AKAP19: variants seen among roughly 807,000 people sequenced by gnomAD.
AKAP19 encodes A-kinase anchoring protein 19.
chr2:189,942,064 G>A, the AKAP19 span, among the ~76,000 whole-genome samples: 4 of 152,166 alleles, frequency 2.6e-5, no homozygotes, highest in African/African-American at 9.7e-5. Context: ...AAGAGACAAA[G>A]AGGGTCACTA....
At chr2:189,884,313 C>T in the AKAP19 span, among the ~76,000 whole-genome samples, 1 of 151,958 alleles carries the variant, frequency 6.6e-6, no homozygotes, top group African/African-American at 2.4e-5. Context: ...TGATGCTGTA[C>T]TGTCAAAAAT....
the AKAP19 span, among the ~76,000 whole-genome samples, chr2:190,048,035 T>C: frequency 6.6e-6 from 1 of 152,142 alleles, no homozygotes; most frequent in South Asian, 2.1e-4. Context: ...TGAATATGGG[T>C]AGGGTTGCAA....
At chr2:190,178,075 G>A in the AKAP19 span, among the ~76,000 whole-genome samples, 315 of 152,158 alleles carry the variant, frequency 2.1e-3, 1 homozygote, top group South Asian at 3.1e-3. The surrounding 1 kb of genome is among the most constrained non-coding windows in gnomAD (Gnocchi z 6.3). Context: ...TCAAAATCCT[G>A]CAGTTTGTCT....
the AKAP19 span, among the ~76,000 whole-genome samples, chr2:190,170,007 C>T: frequency 6.6e-6 from 1 of 152,150 alleles, no homozygotes; most frequent in Non-Finnish European, 1.5e-5. Context: ...ATTACTTCTG[C>T]ACGAACCTAA....
the AKAP19 span, among the ~76,000 whole-genome samples, chr2:190,093,502 T>C: frequency 8.6e-5 from 13 of 152,034 alleles, no homozygotes; most frequent in Admixed American, 2.0e-4. Flanking sequence ...AATCAGAAAA[T>C]AAACATTGTT....
chr2:189,986,326 C>A, the AKAP19 span, among the ~76,000 whole-genome samples: 1 of 148,158 alleles, frequency 6.7e-6, no homozygotes, highest in African/African-American at 2.5e-5. Flanking sequence ...GAAACATGAA[C>A]AATTTTGACT....
At chr2:190,126,573 A>C in the AKAP19 span, among the ~76,000 whole-genome samples, 2 of 152,036 alleles carry the variant, frequency 1.3e-5, no homozygotes, top group African/African-American at 4.8e-5. Flanking sequence ...GAAATGTAAG[A>C]AATGCTGTTT....
At chr2:190,113,658 C>G in the AKAP19 span, among the ~76,000 whole-genome samples, 1 of 152,176 alleles carries the variant, frequency 6.6e-6, no homozygotes, top group Non-Finnish European at 1.5e-5. Context: ...AGTATAGGAG[C>G]TAGAAGATAA....
chr2:189,921,945 T>C, the AKAP19 span, among the ~76,000 whole-genome samples: 2 of 152,212 alleles, frequency 1.3e-5, no homozygotes, highest in African/African-American at 4.8e-5. Context: ...GAACTAGCAA[T>C]TCATTAAATA....
At chr2:190,084,130 T>C in the AKAP19 span, among the ~76,000 whole-genome samples, 1 of 150,508 alleles carries the variant, frequency 6.6e-6, no homozygotes, top group Non-Finnish European at 1.5e-5. Context: ...TCTGGCTCTG[T>C]TGCCCAGGCT....
the AKAP19 span, among the ~76,000 whole-genome samples, chr2:190,001,206 T>C: frequency 1.3e-5 from 2 of 152,168 alleles, no homozygotes; most frequent in African/African-American, 4.8e-5. Flanking sequence ...AATCTCTATC[T>C]GTTGGTTCTT....
chr2:189,882,612 A>G, the AKAP19 span, among the ~76,000 whole-genome samples: 1 of 152,140 alleles, frequency 6.6e-6, no homozygotes, highest in Non-Finnish European at 1.5e-5. Flanking sequence ...CTCAATTTTT[A>G]TATAAACAAT....
chr2:190,019,131 C>T, the AKAP19 span, among the ~76,000 whole-genome samples: 1 of 152,180 alleles, frequency 6.6e-6, no homozygotes, highest in Admixed American at 6.5e-5. Context: ...TAGAAATACA[C>T]AGTTGAGGTT....
the AKAP19 span, among the ~76,000 whole-genome samples, chr2:189,895,793 G>T: frequency 6.6e-6 from 1 of 151,994 alleles, no homozygotes; most frequent in Non-Finnish European, 1.5e-5. Context: ...TAGTTTAAAA[G>T]CATGCTTAAG....
the AKAP19 span, among the ~76,000 whole-genome samples, chr2:189,944,575 C>A: frequency 6.6e-6 from 1 of 152,068 alleles, no homozygotes; most frequent in South Asian, 2.1e-4. Flanking sequence ...ATGCACCCAA[C>A]ACCAGAGTTC....
the AKAP19 span, among the ~76,000 whole-genome samples, chr2:189,971,976 C>A: frequency 6.6e-6 from 1 of 151,984 alleles, no homozygotes; most frequent in Admixed American, 6.6e-5. Flanking sequence ...TGCAGAAGCT[C>A]TTTAGTTTAA....
the AKAP19 span, among the ~76,000 whole-genome samples, chr2:190,054,861 C>G: frequency 6.6e-6 from 1 of 152,166 alleles, no homozygotes; most frequent in Non-Finnish European, 1.5e-5. Context: ...GAAATAGGAA[C>G]AATTTTACAC....
chr2:189,960,285 G>A, the AKAP19 span, among the ~76,000 whole-genome samples: 2 of 152,140 alleles, frequency 1.3e-5, no homozygotes, highest in Non-Finnish European at 2.9e-5. Flanking sequence ...CTGCAACTGG[G>A]AAATACAAAT....
the AKAP19 span, among the ~76,000 whole-genome samples, chr2:190,117,678 T>G: frequency 4.6e-5 from 7 of 152,236 alleles, no homozygotes; most frequent in Admixed American, 6.5e-5. Flanking sequence ...TCCAATATTT[T>G]AAATAATTCT....
Sources: allele counts gnomAD v4.1 joint callset (sites outside exome capture counted in the v4.1 genomes callset), GRCh38; gene constraint gnomAD v4.1.1; non-coding constraint Gnocchi (gnomAD v3.1); transcripts MANE v1.5; gene names NCBI Gene and HGNC (gene_info 2026-07-23, HGNC 2026-07-21).